SHANK2: variants seen among roughly 807,000 people sequenced by gnomAD.
The protein encoded by SHANK2 is SH3 and multiple ankyrin repeat domains 2.
SHANK2 carries 43 observed loss-of-function variants against 133.7 expected under a neutral mutation model. The ratio of observed to expected loss-of-function variants is 0.32; its 90% CI spans 0.25 to 0.41. SHANK2 has a LOEUF of 0.41. Among genes scored for constraint, SHANK2 ranks in the 10% least tolerant of loss-of-function variants. The pLI is 1.00. For synonymous variants in SHANK2, 1,017 were observed against 952.8 expected (o/e 1.07, Z -1.24); for missense variants, 1,994 against 2,235.8 (o/e 0.89, Z 2.18).
In SHANK2 at chr11:70,473,780, G is replaced by A; in HGVS notation, c.4980-341C>T. The A allele has an allele frequency of 2.6e-6, 1 of 391,132 alleles. No individual in the cohort carries two copies. The highest frequency in any genetic ancestry group is 4.9e-6 in the Non-Finnish European group (1 of 205,204). 24.2% of individuals were successfully genotyped at this position (391,132 alleles called of 1,614,324 possible). ...CTGGGGGACCTGCCTGTGCTGGGGG[G>A]CAGGGCCGGGGGACCCTCGGGAGGG... On this transcript the variant is annotated intron_variant, in intron 25 of 25. Coordinates refer to ENST00000601538, the MANE Select transcript of SHANK2 (RefSeq NM_012309.5). This position sits in a 1 kb window ranked among gnomAD's most constrained non-coding sequence, Gnocchi z 5.9.
rs183531293 is a variant in SHANK2, at chr11:70,615,905, G to A, written c.2061+43923C>T. Among the ~76,000 whole-genome samples the A allele has an allele frequency of 1.6e-3, 242 of 152,272 alleles. 2 individuals carry two copies. The highest frequency in any genetic ancestry group is 0.015 in the Admixed American group (235 of 15,302). On this transcript the variant is annotated intron_variant, in intron 17 of 25. Coordinates refer to ENST00000601538, the MANE Select transcript of SHANK2 (RefSeq NM_012309.5). ...TACATCCTCGGTCTGTCTCTTTGTT[G>A]GTTAGTGGGGAGGTGAGGGTGGGCA...
At chr11:70,571,746 T>C (rs1308058813) in intron 17 of SHANK2, among the ~76,000 whole-genome samples, 1 of 151,330 alleles carries the variant, frequency 6.6e-6, no homozygotes, top group African/African-American at 2.4e-5. Flanking sequence ...AGGAGGGTGG[T>C]GCGTGCAGGG....
intron 2 of SHANK2, among the ~76,000 whole-genome samples, chr11:71,149,565 C>T (rs1358109262): frequency 1.2e-5 from 1 of 86,474 alleles, no homozygotes; most frequent in Non-Finnish European, 2.2e-5. Context: ...TTTTCTCTTG[C>T]GACTGTCTTA....
chr11:71,188,668 C>A lies in SHANK2; in HGVS notation c.-13+36029G>T, dbSNP rs1329818925. Among the ~76,000 whole-genome samples, 1 of 152,222 alleles carries A rather than the reference C, an allele frequency of 6.6e-6. No homozygotes were observed. Among genetic ancestry groups the A allele is most frequent in the African/African-American group, 2.4e-5 (1 of 41,462 alleles). ...AAACTGAGGTGTGGGCCCAAATGCACCGTGCTGGTGCTAGAGTGCCCTGCT... is the reference window on the plus strand; with the variant it reads ...AAACTGAGGTGTGGGCCCAAATGCAACGTGCTGGTGCTAGAGTGCCCTGCT... On this transcript the variant is annotated intron_variant, in intron 2 of 25. Transcript: ENST00000601538. This position sits in a 1 kb window ranked among gnomAD's most constrained non-coding sequence, Gnocchi z 4.6.
chr11:70,700,286 TAA>T (rs1459339647), intron 14 of SHANK2, among the ~76,000 whole-genome samples: 2 of 152,126 alleles, frequency 1.3e-5, no homozygotes, highest in African/African-American at 4.8e-5. Flanking sequence ...GGCCCTGCTA[TAA>T]AGTGTTGCCC....
At chr11:70,685,244 G>A (rs1211205070) in intron 15 of SHANK2, among the ~76,000 whole-genome samples, 2 of 152,126 alleles carry the variant, frequency 1.3e-5, no homozygotes, top group African/African-American at 4.8e-5. Flanking sequence ...CTTCCAATCT[G>A]CTTTTGAACT....
chr11:71,204,589 G>A (rs781956560), intron 2 of SHANK2, among the ~76,000 whole-genome samples: 11 of 152,188 alleles, frequency 7.2e-5, no homozygotes, highest in Non-Finnish European at 1.2e-4. Context: ...CTGGACGCCT[G>A]TACCCTGCCA....
intron 12 of SHANK2, among the ~76,000 whole-genome samples, chr11:70,814,718 G>A (rs1489475602): frequency 5.3e-5 from 8 of 152,342 alleles, no homozygotes; most frequent in Non-Finnish European, 8.8e-5. Context: ...AATGGACGAC[G>A]CATGGACAGG....
At chr11:71,133,188 G>T (rs1952353860) in intron 3 of SHANK2, among the ~76,000 whole-genome samples, 1 of 151,952 alleles carries the variant, frequency 6.6e-6, no homozygotes, top group Admixed American at 6.6e-5. Flanking sequence ...ATGAGTGGAT[G>T]CATGGATGGG....
chr11:70,558,385 G>T (rs1340456621), intron 17 of SHANK2, among the ~76,000 whole-genome samples: 3 of 152,194 alleles, frequency 2.0e-5, no homozygotes, highest in Non-Finnish European at 4.4e-5. Context: ...CCCATTCGGC[G>T]TGCACGACCC....
At chr11:70,600,928 A>T (rs1468726618) in intron 17 of SHANK2, among the ~76,000 whole-genome samples, 1 of 152,234 alleles carries the variant, frequency 6.6e-6, no homozygotes. Flanking sequence ...CAAACTCTGA[A>T]GGAAAGTTTG....
At chr11:70,621,309 C>G (rs138231671) in intron 17 of SHANK2, among the ~76,000 whole-genome samples, 20 of 152,172 alleles carry the variant, frequency 1.3e-4, no homozygotes, top group Non-Finnish European at 2.9e-5. Flanking sequence ...ATGAGGAAAC[C>G]GAGGCAGGAG....
chr11:70,818,284 C>T (rs1948443302), intron 12 of SHANK2, among the ~76,000 whole-genome samples: 1 of 152,180 alleles, frequency 6.6e-6, no homozygotes, highest in African/African-American at 2.4e-5. Context: ...CACAAAAATG[C>T]ATGCACATAC....
At chr11:71,185,928 T>C (rs1555114409) in intron 2 of SHANK2, among the ~76,000 whole-genome samples, 3 of 152,118 alleles carry the variant, frequency 2.0e-5, no homozygotes, top group Non-Finnish European at 4.4e-5. Flanking sequence ...ATTAACAGTC[T>C]TGCCTGTCTC....
chr11:70,941,458 T>C (rs1950647031), intron 10 of SHANK2, among the ~76,000 whole-genome samples: 1 of 152,192 alleles, frequency 6.6e-6, no homozygotes, highest in African/African-American at 2.4e-5. Context: ...TCTCCTAAAC[T>C]TGCTGTTGGG....
chr11:71,073,174 T>TTTTTTTTTTTTTTTTTTTTTTTTTTA, intron 9 of SHANK2, among the ~76,000 whole-genome samples: 1 of 117,590 alleles, frequency 8.5e-6, no homozygotes, highest in Non-Finnish European at 2.0e-5. Context: ...TCTTTTTTTT[T>TTTTTTTTTTTTTTTTTTTTTTTTTTA]TTGAGATAGA....
intron 14 of SHANK2, among the ~76,000 whole-genome samples, chr11:70,756,609 G>T (rs886350873): frequency 1.3e-5 from 2 of 152,176 alleles, no homozygotes; most frequent in African/African-American, 2.4e-5. Flanking sequence ...GTCCAGGCAG[G>T]TTCCATGGCA....
At chr11:70,652,331 T>C (rs1319593616) in intron 17 of SHANK2, among the ~76,000 whole-genome samples, 2 of 152,130 alleles carry the variant, frequency 1.3e-5, no homozygotes, top group Non-Finnish European at 2.9e-5. Context: ...GCTGGAAGTG[T>C]CCGACGTACT....
intron 8 of SHANK2, among the ~76,000 whole-genome samples, chr11:71,081,169 T>C (rs928352262): frequency 2.0e-5 from 3 of 152,154 alleles, no homozygotes; most frequent in Non-Finnish European, 4.4e-5. Flanking sequence ...CCTGTGAAGA[T>C]GCAGAGAAAA....
Sources: allele counts gnomAD v4.1 joint callset (sites outside exome capture counted in the v4.1 genomes callset), GRCh38; gene constraint gnomAD v4.1.1; non-coding constraint Gnocchi (gnomAD v3.1); transcripts MANE v1.5; gene names NCBI Gene and HGNC (gene_info 2026-07-23, HGNC 2026-07-21).